The following CELF2 variants were observed in gnomAD, a reference collection of about 807,000 sequenced individuals.
CELF2 encodes the protein CUG triplet repeat RNA-binding protein 2.
Under a neutral mutation model 62.6 loss-of-function variants are expected in CELF2, and 8 were observed. The ratio of observed to expected loss-of-function variants is 0.13; its 90% CI spans 0.07 to 0.23. The LOEUF (loss-of-function observed/expected upper bound fraction) is 0.23. CELF2 is among the 10% of genes least tolerant of loss of function. The pLI is 1.00. For synonymous variants in CELF2, 258 were observed against 250.0 expected (o/e 1.03, Z -0.30); for missense variants, 333 against 671.0 (o/e 0.50, Z 5.56).
the CELF2 span, among the ~76,000 whole-genome samples, chr10:10,587,320 C>T: frequency 1.3e-5 from 2 of 152,136 alleles, no homozygotes; most frequent in African/African-American, 4.8e-5. Flanking sequence ...AACCAACCTG[C>T]TTCACTCATT....
intron 1 of CELF2, among the ~76,000 whole-genome samples, chr10:11,111,380 T>TCAGTAACA (rs2143015515): frequency 6.6e-6 from 1 of 152,314 alleles, no homozygotes; most frequent in Admixed American, 6.5e-5. Flanking sequence ...TTGTTACTGA[T>TCAGTAACA]AAGTGTTTGT....
the CELF2 span, among the ~76,000 whole-genome samples, chr10:10,644,321 T>C: frequency 6.6e-6 from 1 of 152,206 alleles, no homozygotes; most frequent in African/African-American, 2.4e-5. Context: ...CATTAGTTTT[T>C]CTTATCAAGA....
intron 1 of CELF2, among the ~76,000 whole-genome samples, chr10:11,106,531 C>A (rs1022824043): frequency 1.3e-5 from 2 of 152,224 alleles, no homozygotes; most frequent in African/African-American, 2.4e-5. Context: ...GCCACTGCGC[C>A]CAGCCCATCT....
rs1213138387 is a variant in CELF2 at position 10,957,698 on chromosome 10, C to G, written c.89+37699C>G. On this transcript the variant is annotated intron_variant, in intron 2 of 13. Coordinates refer to the CELF2 transcript ENST00000636488. The surrounding 1 kb of genome is among the most constrained non-coding windows in gnomAD (Gnocchi z 4.1). ...GGCCAAATTCTCCAGCTTCTCCTTG[C>G]TCACATGTCTTCAAAAGAGTTGGTA... 1.3e-5 allele frequency among the ~76,000 whole-genome samples: 2 copies of G among 152,204 alleles called. No individual in the cohort carries two copies. The highest frequency in any genetic ancestry group is 3.9e-4 in the East Asian group (2 of 5,190).
the CELF2 span, among the ~76,000 whole-genome samples, chr10:10,582,448 G>A: frequency 6.6e-6 from 1 of 152,124 alleles, no homozygotes; most frequent in African/African-American, 2.4e-5. Context: ...ATAAGTTAAG[G>A]ATAAGAAGGG....
chr10:10,525,250 A>G, the CELF2 span, among the ~76,000 whole-genome samples: 8 of 152,194 alleles, frequency 5.3e-5, no homozygotes, highest in East Asian at 1.9e-4. Flanking sequence ...TGCCTTACTG[A>G]AACATTATAC....
chr10:10,942,852 T>C (rs1425885126), intron 2 of CELF2, among the ~76,000 whole-genome samples: 1 of 152,208 alleles, frequency 6.6e-6, no homozygotes, highest in Non-Finnish European at 1.5e-5. Flanking sequence ...ACCTTGAGAA[T>C]GAAGACTAAA....
chr10:10,462,957 T>C, the CELF2 span, among the ~76,000 whole-genome samples: 2 of 152,100 alleles, frequency 1.3e-5, no homozygotes, highest in African/African-American at 4.8e-5. Flanking sequence ...CCAGGGATGT[T>C]ACGGGTTTTA....
the CELF2 span, among the ~76,000 whole-genome samples, chr10:10,633,485 A>G: frequency 1.1e-4 from 16 of 151,962 alleles, no homozygotes; most frequent in African/African-American, 3.9e-4. Flanking sequence ...TCATGTGCCT[A>G]TTGGATTGTT....
the CELF2 span, among the ~76,000 whole-genome samples, chr10:10,719,640 C>A: frequency 6.6e-6 from 1 of 152,280 alleles, no homozygotes; most frequent in South Asian, 2.1e-4. Flanking sequence ...ACTGCATAAT[C>A]ACCCTAGAGC....
rs188948502 is a variant in CELF2 at position 11,143,011 on chromosome 10, G to T, written c.75-22475G>T. On this transcript the variant is annotated intron_variant, in intron 1 of 12. Transcript: ENST00000633077. ...TCTTCTGTCCTCCCTCCACTGGGGG[G>T]ACTCACTCCCCTTGTGATTCTTCTG... Among the ~76,000 whole-genome samples, 1,025 of 141,794 alleles carry T rather than the reference G, an allele frequency of 7.2e-3. 29 individuals are homozygous for T. Among genetic ancestry groups the T allele is most frequent in the Admixed American group, 0.051 (728 of 14,298 alleles). 93.0% of individuals were successfully genotyped at this position (141,794 alleles called of 152,430 possible).
At chr10:10,546,957 A>C in the CELF2 span, among the ~76,000 whole-genome samples, 1 of 152,186 alleles carries the variant, frequency 6.6e-6, no homozygotes, top group African/African-American at 2.4e-5. Context: ...AAATACAAAA[A>C]TTAGCTGGGC....
chr10:10,999,645 T>C (rs879520581), intron 2 of CELF2, among the ~76,000 whole-genome samples: 3 of 152,198 alleles, frequency 2.0e-5, no homozygotes, highest in African/African-American at 7.2e-5. Flanking sequence ...TGTGTTATGA[T>C]AGTTTCAAAC....
At chr10:11,082,956 CTAA>C (rs2074414961) in intron 1 of CELF2, among the ~76,000 whole-genome samples, 1 of 152,160 alleles carries the variant, frequency 6.6e-6, no homozygotes, top group Non-Finnish European at 1.5e-5. Flanking sequence ...TTACTTTTTC[CTAA>C]TATCTCTAAG....
At chr10:10,951,040 A>G (rs2048260304) in intron 2 of CELF2, among the ~76,000 whole-genome samples, 1 of 152,214 alleles carries the variant, frequency 6.6e-6, no homozygotes, top group Non-Finnish European at 1.5e-5. Flanking sequence ...AGACCCCTCT[A>G]TTTCATGATT....
intron 9 of CELF2, among the ~76,000 whole-genome samples, chr10:11,307,558 G>A (rs920245178): frequency 2.0e-5 from 3 of 152,196 alleles, no homozygotes; most frequent in African/African-American, 7.2e-5. Context: ...CAAATACAGT[G>A]CCAAATTCAT....
At chr10:11,070,265 T>G (rs779989590) in intron 1 of CELF2, among the ~76,000 whole-genome samples, 1 of 152,060 alleles carries the variant, frequency 6.6e-6, no homozygotes, top group African/African-American at 2.4e-5. Flanking sequence ...GACAGACGGT[T>G]TGCTTGAACT....
At chr10:10,661,896 C>T in the CELF2 span, among the ~76,000 whole-genome samples, 1 of 152,192 alleles carries the variant, frequency 6.6e-6, no homozygotes, top group African/African-American at 2.4e-5. Context: ...AGCATCTCAT[C>T]TCAGGTAAGA....
intron 5 of CELF2, among the ~76,000 whole-genome samples, chr10:11,258,727 G>A (rs1016325183): frequency 1.3e-5 from 2 of 152,094 alleles, no homozygotes; most frequent in African/African-American, 4.8e-5. Context: ...TTGCTCTGTC[G>A]CCAGGCCAGA....
Sources: gnomAD v4.1 joint callset for allele counts (sites outside exome capture counted in the v4.1 genomes callset) on GRCh38, gnomAD v4.1.1 for gene constraint, Gnocchi (gnomAD v3.1) non-coding constraint, MANE v1.5 for transcripts, NCBI Gene and HGNC (gene_info 2026-07-23, HGNC 2026-07-21) for gene names.